The following PDZRN3 variants were observed in gnomAD, a reference collection of about 807,000 sequenced individuals.
The protein encoded by PDZRN3 is PDZ domain containing ring finger 3.
In PDZRN3, 38 loss-of-function variants were observed where a neutral mutation model predicts 85.7. The ratio of observed to expected loss-of-function variants is 0.44; its 90% confidence interval spans 0.34 to 0.58. The LOEUF (loss-of-function observed/expected upper bound fraction) is 0.58. PDZRN3 is among the 20% of genes least tolerant of loss of function. PDZRN3 has a pLI of 0.01. For synonymous variants in PDZRN3, 759 were observed against 638.0 expected (o/e 1.19, Z -2.86); for missense variants, 1,629 against 1,506.4 (o/e 1.08, Z -1.35).
chr3:73,411,991 A>T (rs1701982566), intron 3 of PDZRN3, among the ~76,000 whole-genome samples: 1 of 152,204 alleles, frequency 6.6e-6, no homozygotes, highest in Non-Finnish European at 1.5e-5. Context: ...AAAACGAGAG[A>T]CACAGAGGGC....
intron 5 of PDZRN3, among the ~76,000 whole-genome samples, chr3:73,391,965 C>T (rs146943694): frequency 1.6e-4 from 24 of 152,234 alleles, no homozygotes; most frequent in African/African-American, 5.5e-4. Context: ...GCTCACCAAG[C>T]AGGAGAATGG....
intron 3 of PDZRN3, among the ~76,000 whole-genome samples, chr3:73,521,628 T>A (rs1704368135): frequency 6.6e-6 from 1 of 152,220 alleles, no homozygotes; most frequent in Non-Finnish European, 1.5e-5. Context: ...AGTCGATGGC[T>A]GCTGCACACT....
intron 3 of PDZRN3, among the ~76,000 whole-genome samples, chr3:73,547,351 A>G (rs1368321358): frequency 6.6e-6 from 1 of 152,230 alleles, no homozygotes; most frequent in Non-Finnish European, 1.5e-5. Flanking sequence ...AAGTGACAGC[A>G]GCACCAACAA....
rs532008769 is a variant in PDZRN3 at position 73,479,192 on chromosome 3, A to T, written c.919-74797T>A. ...TTTCTTTAGGATACTGTCATTGTAT[A>T]TCAGAATAACCCAGCAACTTCAAAT... On this transcript the variant is annotated intron_variant, in intron 3 of 9. Transcript: ENST00000263666. 1.3e-4 allele frequency among the ~76,000 whole-genome samples: 20 copies of T among 152,312 alleles called. No individual in the cohort carries two copies. The South Asian group carries it at 4.1e-3, about 32-fold the overall frequency.
At chr3:73,491,515 G>C (rs1703769881) in intron 3 of PDZRN3, among the ~76,000 whole-genome samples, 1 of 150,822 alleles carries the variant, frequency 6.6e-6, no homozygotes, top group Non-Finnish European at 1.5e-5. Flanking sequence ...GTCATGGGAA[G>C]AAGAGCCCTT....
intron 1 of PDZRN3, chr3:73,623,658 G>A (rs546524112): frequency 7.1e-5 from 11 of 154,616 alleles, no homozygotes; most frequent in African/African-American, 2.2e-4. Context: ...GAGGATGCAC[G>A]GATACAATTC....
At chr3:73,605,769 G>C (rs940656103) in intron 2 of PDZRN3, among the ~76,000 whole-genome samples, 1 of 152,160 alleles carries the variant, frequency 6.6e-6, no homozygotes, top group African/African-American at 2.4e-5. Context: ...CTGCTAATCA[G>C]GGCAAATTTT....
rs763096684 is a variant in PDZRN3, at chr3:73,624,140, G to A, written c.686C>T (p.Ser229Leu). The stretch of plus-strand genomic sequence containing the variant: ...CGGCGCGGCCACGCAGCGGCTGAGC[G>A]AGTCGAGGCGCGCGCTGTATTCGGT... Reference protein sequence around the residue: ...KFTEYSARLDSLSRCVAAPPG... With the variant: ...KFTEYSARLDLLSRCVAAPPG... Residue 229 changes from serine (S) to leucine (L), a missense_variant, in exon 1 of 10, where the codon TCG becomes TTG. By Grantham distance (145) the Ser-to-Leu change is moderately radical (BLOSUM62 -2). Transcript: ENST00000263666. 9 of 1,489,904 alleles carry A rather than the reference G, an allele frequency of 6.0e-6. No homozygotes were observed. Among genetic ancestry groups the A allele is most frequent in the Admixed American group, 4.5e-5 (2 of 44,230 alleles). The allele number at this position is 1,489,904 out of a possible 1,614,324, so 92.3% of individuals were successfully genotyped here.
intron 3 of PDZRN3, among the ~76,000 whole-genome samples, chr3:73,405,895 T>C (rs1701844880): frequency 6.6e-6 from 1 of 152,214 alleles, no homozygotes; most frequent in African/African-American, 2.4e-5. Flanking sequence ...TTCTCTTTTT[T>C]TCCCCCAAAC....
intron 3 of PDZRN3, among the ~76,000 whole-genome samples, chr3:73,415,984 CAAA>C (rs34623609): frequency 1.8e-4 from 11 of 62,304 alleles, no homozygotes; most frequent in Admixed American, 1.8e-4. Flanking sequence ...CTTTCATCAC[CAAA>C]AAAAAAAAAA....
intron 3 of PDZRN3, among the ~76,000 whole-genome samples, chr3:73,565,832 C>CACACAG (rs1701935196): frequency 7.8e-6 from 1 of 128,410 alleles, no homozygotes; most frequent in African/African-American, 2.9e-5. Context: ...CACACACACA[C>CACACAG]AGAAAACTAT....
chr3:73,532,021 A>C (rs1704668872), intron 3 of PDZRN3, among the ~76,000 whole-genome samples: 1 of 152,078 alleles, frequency 6.6e-6, no homozygotes, highest in Non-Finnish European at 1.5e-5. Flanking sequence ...TTTTTTTTTG[A>C]GACGGAGTCT....
rs1042569638 is a variant in PDZRN3, at chr3:73,536,107, C to A, written c.918+66247G>T. Among the ~76,000 whole-genome samples, 4 of 152,216 alleles carry A rather than the reference C, an allele frequency of 2.6e-5. No individual in the cohort carries two copies. In the East Asian group the frequency reaches 7.7e-4, roughly 29 times the overall value. On this transcript the variant is annotated intron_variant, in intron 3 of 9. Transcript: ENST00000263666. The stretch of plus-strand genomic sequence containing the variant: ...TTCTTTCTTTAGAATGTAACCTTTG[C>A]TCATGGTAATAAATACAAAGGTCTC...
chr3:73,486,770 G>A (rs1032155299), intron 3 of PDZRN3, among the ~76,000 whole-genome samples: 1 of 152,172 alleles, frequency 6.6e-6, no homozygotes, highest in Non-Finnish European at 1.5e-5. Flanking sequence ...TTGCAAAGCT[G>A]GCGGTAACTG....
rs963635122 is a variant in PDZRN3 at position 73,495,127 on chromosome 3, G to A, written c.919-90732C>T. ...CCCAAACCTCAGCATCACGCAATAT[G>A]CCCATGTAACAATCACTTTACAAAA... On this transcript the variant is annotated intron_variant, in intron 3 of 9. Coordinates refer to ENST00000263666, the MANE Select transcript of PDZRN3 (RefSeq NM_015009.3). 1.2e-4 allele frequency among the ~76,000 whole-genome samples: 19 copies of A among 152,224 alleles called. No homozygotes were observed. In the East Asian group the frequency reaches 2.3e-3, roughly 19 times the overall value.
chr3:73,409,233 A>G (rs917884304), intron 3 of PDZRN3, among the ~76,000 whole-genome samples: 4 of 152,238 alleles, frequency 2.6e-5, no homozygotes, highest in African/African-American at 9.6e-5. Context: ...GAGATCCTTT[A>G]GCATAAGGTC....
At chr3:73,526,693 T>C (rs2106743236) in intron 3 of PDZRN3, among the ~76,000 whole-genome samples, 1 of 152,238 alleles carries the variant, frequency 6.6e-6, no homozygotes, top group South Asian at 2.1e-4. Flanking sequence ...TTGCTGTTGT[T>C]GTTATTGTTT....
At chr3:73,437,962 C>T (rs1042534430) in intron 3 of PDZRN3, among the ~76,000 whole-genome samples, 9 of 152,288 alleles carry the variant, frequency 5.9e-5, no homozygotes, top group African/African-American at 1.9e-4. Flanking sequence ...TTTGAGAGAA[C>T]AGCTGTCCCA....
intron 3 of PDZRN3, among the ~76,000 whole-genome samples, chr3:73,417,684 A>G (rs181918269): frequency 1.4e-3 from 210 of 152,344 alleles, no homozygotes; most frequent in Non-Finnish European, 2.5e-3. Flanking sequence ...TGTAATATGT[A>G]TGAATATTCC....
Sources: gnomAD v4.1 joint callset for allele counts (sites outside exome capture counted in the v4.1 genomes callset) on GRCh38, gnomAD v4.1.1 for gene constraint, MANE v1.5 for transcripts, NCBI Gene and HGNC (gene_info 2026-07-23, HGNC 2026-07-21) for gene names.